GRID1: variants seen among roughly 807,000 people sequenced by gnomAD.
GRID1 encodes glutamate ionotropic receptor delta type subunit 1.
Under a neutral mutation model 98.0 loss-of-function variants are expected in GRID1, and 28 were observed. That is an observed-to-expected ratio of 0.29 (90% CI 0.21 to 0.39). The LOEUF is 0.39. GRID1 is among the 10% of genes least tolerant of loss of function. The probability of loss-of-function intolerance (pLI) is 1.00; values close to 1 mark genes in which losing one functional copy is unlikely to be tolerated. For synonymous variants in GRID1, 553 were observed against 538.5 expected, an observed-to-expected ratio of 1.03 and a Z score of -0.37; for missense variants, 1,111 against 1,340.5, an observed-to-expected ratio of 0.83 and a Z score of 2.67.
intron 12 of GRID1, among the ~76,000 whole-genome samples, chr10:85,665,594 T>C (rs1027956620): frequency 4.6e-5 from 7 of 152,186 alleles, no homozygotes; most frequent in Admixed American, 3.3e-4. Flanking sequence ...ACCATCTCTA[T>C]TACTTATGCA....
rs145540105 is a variant in GRID1 at position 86,254,495 on chromosome 10, C to T, written c.236-47847G>A. Among the ~76,000 whole-genome samples the T allele has an allele frequency of 1.1e-3, 171 of 152,316 alleles. 1 individual carries two copies. Among genetic ancestry groups the T allele is most frequent in the South Asian group, 2.1e-3 (10 of 4,828 alleles). On this transcript the variant is annotated intron_variant, in intron 2 of 15. Coordinates refer to ENST00000327946, the MANE Select transcript of GRID1 (RefSeq NM_017551.3). The stretch of plus-strand genomic sequence containing the variant: ...GTGTCTTTTGACAAGATCCAGGTGA[C>T]GGATGCACATAAAATTTGAGAACTA...
chr10:85,701,870 C>A (rs569397340), intron 12 of GRID1, among the ~76,000 whole-genome samples: 1 of 152,106 alleles, frequency 6.6e-6, no homozygotes, highest in South Asian at 2.1e-4. Flanking sequence ...GCAGTGTATA[C>A]CGCTCGGGAG....
At chr10:85,977,585 C>T (rs1271205755) in intron 4 of GRID1, among the ~76,000 whole-genome samples, 3 of 152,154 alleles carry the variant, frequency 2.0e-5, no homozygotes, top group African/African-American at 4.8e-5. Context: ...GCAATCAACC[C>T]CCTAGGCTTA....
intron 4 of GRID1, among the ~76,000 whole-genome samples, chr10:86,002,496 T>C (rs1041366127): frequency 7.3e-6 from 1 of 137,874 alleles, no homozygotes; most frequent in Non-Finnish European, 1.5e-5. Flanking sequence ...TGCACTTACA[T>C]TCTCCATTTC....
chr10:86,295,713 T>C (rs1385827627), intron 2 of GRID1, among the ~76,000 whole-genome samples: 1 of 152,220 alleles, frequency 6.6e-6, no homozygotes, highest in African/African-American at 2.4e-5. Flanking sequence ...TGCCCAGTGC[T>C]ACTGCAGTTC....
intron 8 of GRID1, among the ~76,000 whole-genome samples, chr10:85,833,100 C>T (rs1162889915): frequency 6.6e-6 from 1 of 152,202 alleles, no homozygotes; most frequent in African/African-American, 2.4e-5. Flanking sequence ...AGGGTGATTC[C>T]ACCTAGCCCA....
At chr10:85,665,657 G>A (rs1387705436) in intron 12 of GRID1, among the ~76,000 whole-genome samples, 2 of 152,120 alleles carry the variant, frequency 1.3e-5, no homozygotes, top group Non-Finnish European at 2.9e-5. Context: ...ATCTTCTGGA[G>A]CCAAAAATAA....
intron 4 of GRID1, among the ~76,000 whole-genome samples, chr10:85,925,188 GGCACAGAAACCAAA>G (rs1841758114): frequency 6.6e-6 from 1 of 152,172 alleles, no homozygotes; most frequent in Non-Finnish European, 1.5e-5. Flanking sequence ...CCACCTGGAG[GGCACAGAAACCAAA>G]TAAGGCCCCC....
chr10:85,602,080 T>C lies in GRID1; in HGVS notation c.*193A>G. 9.0e-6 allele frequency: 4 copies of C among 444,908 alleles called. No homozygotes were observed. Among genetic ancestry groups the C allele is most frequent in the Non-Finnish European group, 1.2e-5 (3 of 253,384 alleles). The allele number at this position is 444,908 out of a possible 1,614,324, so 27.6% of individuals were successfully genotyped here. A position where few individuals can be genotyped will look rare whatever the true frequency, so the allele number is the denominator to read the frequency against. ...TGTGTTTTTTTACTGACTTCGAAAATTGGGAATATTCAAAATACACTTTTA... is the reference window on the plus strand; with the variant it reads ...TGTGTTTTTTTACTGACTTCGAAAACTGGGAATATTCAAAATACACTTTTA... On this transcript the variant is annotated 3_prime_UTR_variant, in exon 16 of 16. Transcript: ENST00000327946.
At chr10:86,361,460 C>T (rs927914700) in intron 2 of GRID1, among the ~76,000 whole-genome samples, 1 of 152,292 alleles carries the variant, frequency 6.6e-6, no homozygotes, top group East Asian at 1.9e-4. Flanking sequence ...GAATCTAACT[C>T]CCTAGTTCCA....
chr10:86,084,190 G>A (rs1844017049), intron 4 of GRID1, among the ~76,000 whole-genome samples: 1 of 152,086 alleles, frequency 6.6e-6, no homozygotes, highest in Non-Finnish European at 1.5e-5. Flanking sequence ...CACTGAAGGA[G>A]GCGCCCTAGG....
intron 3 of GRID1, among the ~76,000 whole-genome samples, chr10:86,152,304 C>T (rs1242922054): frequency 6.6e-6 from 1 of 152,160 alleles, no homozygotes; most frequent in Non-Finnish European, 1.5e-5. Flanking sequence ...TGTGTGCCCA[C>T]AGAAGGATAG....
At chr10:86,152,653 C>T (rs950964940) in intron 3 of GRID1, among the ~76,000 whole-genome samples, 1 of 152,226 alleles carries the variant, frequency 6.6e-6, no homozygotes, top group African/African-American at 2.4e-5. Flanking sequence ...GGCTCTTAAG[C>T]TCCCTGAGCC....
intron 8 of GRID1, among the ~76,000 whole-genome samples, chr10:85,810,923 G>A (rs965405038): frequency 6.6e-6 from 1 of 152,044 alleles, no homozygotes; most frequent in Admixed American, 6.6e-5. Flanking sequence ...CCCCAAGCCA[G>A]CTGACTCATC....
At chr10:85,858,461 G>A (rs1843134711) in intron 6 of GRID1, among the ~76,000 whole-genome samples, 1 of 152,104 alleles carries the variant, frequency 6.6e-6, no homozygotes, top group African/African-American at 2.4e-5. Flanking sequence ...AGGCCTAGAG[G>A]AGCATTTCCT....
intron 4 of GRID1, among the ~76,000 whole-genome samples, chr10:85,946,285 A>G (rs1025655117): frequency 6.6e-6 from 1 of 152,224 alleles, no homozygotes; most frequent in African/African-American, 2.4e-5. Context: ...ATGGTATCTC[A>G]TGGCAGATTA....
chr10:85,978,309 G>C (rs928887684), intron 4 of GRID1, among the ~76,000 whole-genome samples: 8 of 152,146 alleles, frequency 5.3e-5, no homozygotes, highest in African/African-American at 1.9e-4. Flanking sequence ...ATGATATGTT[G>C]CCCAAGCCGA....
chr10:86,069,471 A>G (rs1589360049), intron 4 of GRID1, among the ~76,000 whole-genome samples: 1 of 151,988 alleles, frequency 6.6e-6, no homozygotes, highest in East Asian at 1.9e-4. Context: ...ACACGGTGAA[A>G]CCCCGTCTCT....
At chr10:86,282,878 C>T (rs1847375914) in intron 2 of GRID1, among the ~76,000 whole-genome samples, 1 of 152,136 alleles carries the variant, frequency 6.6e-6, no homozygotes, top group Admixed American at 6.5e-5. Flanking sequence ...GTCCATGTCA[C>T]TCTTGCCACA....
Sources: gnomAD v4.1 joint callset for allele counts (sites outside exome capture counted in the v4.1 genomes callset) on GRCh38, gnomAD v4.1.1 for gene constraint, MANE v1.5 for transcripts, NCBI Gene and HGNC (gene_info 2026-07-23, HGNC 2026-07-21) for gene names.